NPNT: variants seen among roughly 807,000 people sequenced by gnomAD.
The protein encoded by NPNT is preosteoblast EGF-like repeat protein with MAM domain.
A neutral mutation model predicts 68.6 loss-of-function variants in NPNT; 45 were observed. The observed-to-expected ratio is 0.66, with a 90% CI of 0.52 to 0.84. The LOEUF is 0.84. Among genes scored for constraint, NPNT ranks in the 40% least tolerant of loss-of-function variants. The pLI is 0.00. For synonymous variants in NPNT, 233 were observed against 253.3 expected (o/e 0.92, Z 0.76); for missense variants, 672 against 714.8 (o/e 0.94, Z 0.68).
At chr4:105,936,965 C>A in intron 3 of NPNT, 44 bp from the exon 4 acceptor site, 1 of 1,591,166 alleles carries the variant, frequency 6.3e-7, no homozygotes, top group Non-Finnish European at 8.5e-7. Flanking sequence ...TACATTAGTG[C>A]TGAGGTTTTG....
intron 10 of NPNT, among the ~76,000 whole-genome samples, chr4:105,966,305 AC>A (rs957568086): frequency 6.6e-6 from 1 of 151,934 alleles, no homozygotes; most frequent in Admixed American, 6.6e-5. Flanking sequence ...GAGAAGCAGC[AC>A]CCCCCACTTC....
chr4:105,921,388 G>A (rs372096954), intron 2 of NPNT, among the ~76,000 whole-genome samples: 16 of 152,218 alleles, frequency 1.1e-4, no homozygotes, highest in African/African-American at 3.6e-4. Context: ...TTGTTTACTT[G>A]TAAAATGAAG....
At position 105,895,690 on chromosome 4, in the gene NPNT, T is replaced by C; in HGVS notation, c.38T>C (p.Leu13Pro). 6.4e-7 allele frequency: 1 copy of C among 1,554,102 alleles called. No homozygotes were observed. The highest frequency in any genetic ancestry group is 1.7e-4 in the Middle Eastern group (1 of 5,734). ...FLLALVLVSS[L>P]YLQAAAEFDG... ...CTGGCGCTGGTGCTGGTATCCTCGC[T>C]CTACCTGCAGGCGGCCGCCGAGTTC... Residue 13 changes from leucine to proline, a missense_variant, in exon 1 of 12, where the codon CTC becomes CCC. Coordinates refer to ENST00000379987, the MANE Select transcript of NPNT (RefSeq NM_001033047.3).
chr4:105,912,651 G>C, intron 2 of NPNT: 1 of 685,832 alleles, frequency 1.5e-6, no homozygotes, highest in Non-Finnish European at 1.8e-6. Context: ...GAACAATTCA[G>C]GTAAGAAATA....
In NPNT at chr4:105,969,354, G is replaced by C. The variant is rs1277869293; in HGVS notation, c.*364G>C. The C allele has an allele frequency of 5.6e-6, 1 of 179,746 alleles. No homozygotes were observed. Among genetic ancestry groups the C allele is most frequent in the Non-Finnish European group, 1.2e-5 (1 of 84,736 alleles). 11.1% of individuals were successfully genotyped at this position (179,746 alleles called of 1,614,324 possible). On this transcript the variant is annotated 3_prime_UTR_variant, in exon 12 of 12. Coordinates refer to ENST00000379987, the MANE Select transcript of NPNT (RefSeq NM_001033047.3). ...TGAGTTACGGGAGCAGTTTTTAAAA[G>C]AAATCTTTGCAGATGGCTATGATGT...
Position 105,938,326 on chromosome 4 carries a change from C to A in NPNT, c.411C>A (p.Asn137Lys), listed in dbSNP as rs1729656024. The A allele has an allele frequency of 6.2e-7, 1 of 1,613,546 alleles. No homozygotes were observed. ...GTGCCCTGACCTGCTCCATGGCAAA[C>A]TGTCAGTATGGCTGTGATGTTGTTA... Reference protein sequence around the residue: ...CSSALTCSMANCQYGCDVVKG... With the variant: ...CSSALTCSMAKCQYGCDVVKG... Residue 137 changes from asparagine to lysine, a missense_variant, in exon 5 of 12, where the codon AAC becomes AAA. Physicochemically the swap from Asn to Lys is moderately conservative, Grantham distance 94. Transcript: ENST00000379987.
chr4:105,898,490 T>C (rs530180670), intron 2 of NPNT, among the ~76,000 whole-genome samples: 11 of 152,134 alleles, frequency 7.2e-5, no homozygotes, highest in Non-Finnish European at 1.2e-4. Flanking sequence ...CAAAATAAAC[T>C]CTGAACCTTA....
intron 2 of NPNT, among the ~76,000 whole-genome samples, chr4:105,914,050 A>C (rs1213185201): frequency 6.6e-6 from 1 of 152,072 alleles, no homozygotes; most frequent in African/African-American, 2.4e-5. Context: ...CAAGCAACTC[A>C]ATTTGTAAGA....
In NPNT at chr4:105,940,520, A is replaced by G. The variant is rs1350603709; in HGVS notation, c.647A>G (p.Asp216Gly). The G allele has an allele frequency of 6.2e-7, 1 of 1,612,856 alleles. No individual in the cohort carries two copies. The highest frequency in any genetic ancestry group is 2.2e-5 in the East Asian group (1 of 44,846). ...IGGKYQCHDI[D>G]ECSLGQYQCS... is the part of the protein sequence containing the mutation. ...TTCCTACTTTCTGATGCAGACATAG[A>G]CGAATGCTCACTTGGTCAGTATCAG... is the stretch of plus-strand genomic sequence containing the variant. The change falls in exon 7 of 12, where the codon GAC (aspartate) becomes GGC (glycine). Residue 216 changes from aspartate to glycine, a missense_variant. Physicochemically the swap from Asp to Gly is moderately conservative, Grantham distance 94. Transcript: ENST00000379987.
chr4:105,940,485 G>GTC (rs780199594), intron 6 of NPNT, 29 bp from the exon 7 acceptor site: 1 of 1,596,952 alleles, frequency 6.3e-7, no homozygotes, highest in African/African-American at 1.3e-5. Flanking sequence ...TCCTAAATAA[G>GTC]TCTCTTCTTT....
intron 11 of NPNT, among the ~76,000 whole-genome samples, chr4:105,968,234 TTTTG>T (rs1294972923): frequency 6.6e-6 from 1 of 152,242 alleles, no homozygotes; most frequent in Non-Finnish European, 1.5e-5. Context: ...AGTACTTGGA[TTTTG>T]TTTAATTCTT....
intron 2 of NPNT, among the ~76,000 whole-genome samples, chr4:105,918,122 G>A (rs996565716): frequency 6.6e-6 from 1 of 152,110 alleles, no homozygotes; most frequent in African/African-American, 2.4e-5. Flanking sequence ...TCTGTTTAAG[G>A]TTCTTCAACA....
intron 2 of NPNT, among the ~76,000 whole-genome samples, chr4:105,917,910 A>G (rs1477449903): frequency 6.6e-6 from 1 of 152,184 alleles, no homozygotes; most frequent in Admixed American, 6.5e-5. Context: ...GAAATAGTAT[A>G]ATGATCTACA....
At chr4:105,909,794 GCAGAAGTA>G (rs1727209459) in intron 2 of NPNT, among the ~76,000 whole-genome samples, 1 of 152,234 alleles carries the variant, frequency 6.6e-6, no homozygotes, top group South Asian at 2.1e-4. Context: ...AGGTTGAGAG[GCAGAAGTA>G]CATTGTGTCA....
rs528444524 is a variant in NPNT at position 105,959,022 on chromosome 4, T to C, written c.1247-6T>C. 26 of 1,576,440 alleles carry C rather than the reference T, an allele frequency of 1.6e-5. 1 individual carries two copies. The African/African-American group carries it at 3.2e-4, about 20-fold the overall frequency. ...TCCACTCATCTTTCTGATTATTTCC[T>C]TGTAGGTGTTCTGGTACACAGTTGT... is the stretch of plus-strand genomic sequence containing the variant. On this transcript the variant is annotated splice_region_variant and splice_polypyrimidine_tract_variant and intron_variant, in intron 9 of 11. Coordinates refer to ENST00000379987, the MANE Select transcript of NPNT (RefSeq NM_001033047.3).
In NPNT at chr4:105,971,275, G is replaced by C. The variant is rs1732548745; in HGVS notation, c.*2285G>C. 1 of 402,886 alleles carries C rather than the reference G, an allele frequency of 2.5e-6. No individual in the cohort carries two copies. The highest frequency in any genetic ancestry group is 2.1e-5 in the African/African-American group (1 of 48,178). 25.0% of individuals were successfully genotyped at this position (402,886 alleles called of 1,614,324 possible). On this transcript the variant is annotated 3_prime_UTR_variant, in exon 12 of 12. Transcript: ENST00000379987. ...ATGATTCAGTTTCTCTTATCAATTG[G>C]ACTCTCCCAGGTTCCACAGAACAGT...
intron 2 of NPNT, among the ~76,000 whole-genome samples, chr4:105,916,101 A>C (rs191149547): frequency 1.1e-4 from 17 of 152,232 alleles, no homozygotes; most frequent in African/African-American, 3.9e-4. Context: ...GTCATCCTCT[A>C]CAAACATATT....
rs144369648 is a variant in NPNT, at chr4:105,969,954, A to G, written c.*964A>G. ...TTAAAACCACAGCTTTTACCATCAT[A>G]ACATGGCTCTGGTAATATGTAGGAA... On this transcript the variant is annotated 3_prime_UTR_variant, in exon 12 of 12. Transcript: ENST00000379987. 661 of 158,428 alleles carry G rather than the reference A, an allele frequency of 4.2e-3. 5 individuals carry two copies. The highest frequency in any genetic ancestry group is 3.9e-3 in the Admixed American group (63 of 16,126). 9.8% of individuals were successfully genotyped at this position (158,428 alleles called of 1,614,324 possible). A position where few individuals can be genotyped will look rare whatever the true frequency, so the allele number is the denominator to read the frequency against.
chr4:105,911,321 A>C (rs930238076), intron 2 of NPNT, among the ~76,000 whole-genome samples: 3 of 152,296 alleles, frequency 2.0e-5, no homozygotes, highest in African/African-American at 7.2e-5. Context: ...AATTGGACTT[A>C]GAATTTTTTT....
Sources: allele counts gnomAD v4.1 joint callset (sites outside exome capture counted in the v4.1 genomes callset), GRCh38; gene constraint gnomAD v4.1.1; transcripts MANE v1.5; gene names NCBI Gene and HGNC (gene_info 2026-07-23, HGNC 2026-07-21).